The following CHD2 variants were observed in gnomAD, a reference collection of about 807,000 sequenced individuals.
CHD2 encodes ATP-dependent chromatin remodeler CHD2.
CHD2 carries 28 observed loss-of-function variants against 243.9 expected under a neutral mutation model. That is an observed-to-expected ratio of 0.11 (90% CI 0.09 to 0.16). CHD2 has a LOEUF of 0.16. Ranked by LOEUF, CHD2 falls within the 10% of genes least tolerant of loss-of-function variation. The pLI is 1.00. For synonymous variants in CHD2, 775 were observed against 779.0 expected, an observed-to-expected ratio of 0.99 and a Z score of 0.09; for missense variants, 1,386 against 2,209.8, an observed-to-expected ratio of 0.63 and a Z score of 7.47.
At chr15:93,019,934 C>CAAAA (rs57995034) in intron 37 of CHD2, 78 bp from the exon 38 acceptor site, 1,013 of 1,405,154 alleles carry the variant, frequency 7.2e-4, no homozygotes, top group Non-Finnish European at 8.8e-4. Context: ...ACTCCATCTC[C>CAAAA]AAAAAAAAAA....
rs1187767626 is a variant in CHD2, at chr15:92,998,425, T to A, written c.3886-74T>A. ...GGGAAAGGACTGTGCTCAGTTTTTG[T>A]TGTCTCTGTTTATCCTGATCCACTA... On this transcript the variant is annotated intron_variant, in intron 30 of 38. Transcript: ENST00000394196. The surrounding 1 kb of genome is among the most constrained non-coding windows in gnomAD (Gnocchi z 5.1). 1.3e-6 allele frequency: 2 copies of A among 1,581,372 alleles called. No homozygotes were observed. The highest frequency in any genetic ancestry group is 1.7e-6 in the Non-Finnish European group (2 of 1,158,890).
chr15:92,973,217 A>G (rs1273140360), intron 19 of CHD2, among the ~76,000 whole-genome samples: 1 of 152,034 alleles, frequency 6.6e-6, no homozygotes, highest in Non-Finnish European at 1.5e-5. Flanking sequence ...GGCTTCCCCT[A>G]TTTTCTGTGG....
chr15:92,956,368 A>G, intron 15 of CHD2, 91 bp from the exon 16 acceptor site: 2 of 886,084 alleles, frequency 2.3e-6, no homozygotes, highest in Non-Finnish European at 3.6e-6. Context: ...ATACCTTTGT[A>G]ATGGTATTTA....
At chr15:92,975,751 A>G (rs2053898868) in intron 20 of CHD2, among the ~76,000 whole-genome samples, 1 of 152,100 alleles carries the variant, frequency 6.6e-6, no homozygotes, top group African/African-American at 2.4e-5. Flanking sequence ...GTTACTACAG[A>G]ATGCTCTGCT....
chr15:92,982,097 A>G (rs1292955027), intron 24 of CHD2, among the ~76,000 whole-genome samples: 2 of 152,194 alleles, frequency 1.3e-5, no homozygotes, highest in African/African-American at 4.8e-5. Context: ...AGTTTGAGGA[A>G]AGAACTTGAG....
At chr15:93,020,324 GA>G in intron 38 of CHD2, 66 bp downstream of exon 38, 1 of 1,585,672 alleles carries the variant, frequency 6.3e-7, no homozygotes, top group Non-Finnish European at 8.7e-7. Flanking sequence ...GGGAGAAAGT[GA>G]CGTATACATG....
chr15:92,984,298 G>A (rs781296982), intron 24 of CHD2, 32 bp from the exon 25 acceptor site: 26 of 1,478,736 alleles, frequency 1.8e-5, no homozygotes, highest in Non-Finnish European at 2.3e-5. Context: ...TAGAAATAGG[G>A]AAATGTCAGA....
At position 93,024,792 on chromosome 15, in the gene CHD2, G is replaced by C; in HGVS notation, c.*87G>C. 8.6e-7 allele frequency: 1 copy of C among 1,160,752 alleles called. No individual in the cohort carries two copies. Among genetic ancestry groups the C allele is most frequent in the Middle Eastern group, 2.6e-4 (1 of 3,804 alleles). The allele number at this position is 1,160,752 out of a possible 1,614,324, so 71.9% of individuals were successfully genotyped here. A position where few individuals can be genotyped will look rare whatever the true frequency, so the allele number is the denominator to read the frequency against. On this transcript the variant is annotated 3_prime_UTR_variant, in exon 39 of 39. Transcript: ENST00000394196. ...CTACAGTAGCCGGTTATCTAGACCA[G>C]TAAGTGGAGTTTTGGACATGCTGCT...
intron 25 of CHD2, 110 bp downstream of exon 25, chr15:92,984,610 T>C (rs925875745): frequency 3.7e-6 from 4 of 1,073,688 alleles, no homozygotes; most frequent in Non-Finnish European, 5.1e-6. Flanking sequence ...CACAGAGGCT[T>C]CAGGAGCAGA....
chr15:93,024,747 T>C lies in CHD2; in HGVS notation c.*42T>C. On this transcript the variant is annotated 3_prime_UTR_variant, in exon 39 of 39. Transcript: ENST00000394196. ...GAGAGAGTAAGAGTCACCAAACACGTGGATATTTTTGGTCTGATCCTACAG... is the reference window on the plus strand; with the variant it reads ...GAGAGAGTAAGAGTCACCAAACACGCGGATATTTTTGGTCTGATCCTACAG... The C allele has an allele frequency of 6.5e-7, 1 of 1,527,728 alleles. No homozygotes were observed. Among genetic ancestry groups the C allele is most frequent in the Non-Finnish European group, 8.9e-7 (1 of 1,128,320 alleles). The allele number at this position is 1,527,728 out of a possible 1,614,324, so 94.6% of individuals were successfully genotyped here. A position where few individuals can be genotyped will look rare whatever the true frequency, so the allele number is the denominator to read the frequency against.
chr15:92,946,427 T>C (rs1002972233), intron 12 of CHD2: 2 of 391,182 alleles, frequency 5.1e-6, no homozygotes, highest in Non-Finnish European at 4.6e-6. Context: ...ATTTACATAA[T>C]TAGAAATAGA....
At chr15:93,015,538 A>T (rs1596458693) in intron 37 of CHD2, among the ~76,000 whole-genome samples, 1 of 152,326 alleles carries the variant, frequency 6.6e-6, no homozygotes, top group African/African-American at 2.4e-5. Context: ...CAATAACTGA[A>T]TAGAAAAATG....
chr15:92,901,574 G>GT (rs1486426139), intron 2 of CHD2: 15 of 440,840 alleles, frequency 3.4e-5, no homozygotes, highest in Admixed American at 1.3e-4. Context: ...GTAATGTACA[G>GT]TTTTTCTGTC....
At chr15:92,910,269 T>C (rs1474068780) in intron 2 of CHD2, among the ~76,000 whole-genome samples, 1 of 152,188 alleles carries the variant, frequency 6.6e-6, no homozygotes, top group East Asian at 1.9e-4. Flanking sequence ...ATGTATATTT[T>C]ATTTAATATG....
At chr15:92,901,735 C>T in intron 2 of CHD2, 1 of 296,430 alleles carries the variant, frequency 3.4e-6, no homozygotes, top group Non-Finnish European at 6.1e-6. Flanking sequence ...ATAGAGAAGC[C>T]TTGTAGTAGT....
chr15:92,980,037 T>TTTTGTTTG (rs55822413), intron 22 of CHD2, among the ~76,000 whole-genome samples: 108,787 of 150,032 alleles, frequency 0.73, 40,779 homozygotes, highest in East Asian at 0.99. Flanking sequence ...CAGCTATGTT[T>TTTTGTTTG]TTTGTTTGTT....
intron 18 of CHD2, 102 bp downstream of exon 18, chr15:92,972,029 TC>T: frequency 1.6e-6 from 2 of 1,277,674 alleles, no homozygotes; most frequent in South Asian, 3.1e-5. Context: ...CTATCAAGGA[TC>T]ATCAAAGGAA....
chr15:92,900,952 C>T, intron 1 of CHD2, 128 bp downstream of exon 1: 1 of 458,476 alleles, frequency 2.2e-6, no homozygotes, highest in East Asian at 3.5e-5. Flanking sequence ...ATCTAGTGTG[C>T]TACTTTGAGA....
In CHD2 at chr15:92,991,487, C is replaced by A; in HGVS notation, c.3425C>A (p.Ala1142Asp). ...TDAEIRRFIK[A>D]YKKFGLPLER... ...GATCCTATTCTTAGGTTCATCAAGG[C>A]TTATAAGAAGTTTGGTCTCCCTCTT... The change falls in exon 27 of 39, where the codon GCT (alanine) becomes GAT (aspartate). Residue 1142 changes from alanine (A) to aspartate (D), a missense_variant. By Grantham distance (126) the Ala-to-Asp change is moderately radical (BLOSUM62 -2). Transcript: ENST00000394196. The A allele has an allele frequency of 6.2e-7, 1 of 1,606,732 alleles. No homozygotes were observed. Among genetic ancestry groups the A allele is most frequent in the Non-Finnish European group, 8.5e-7 (1 of 1,175,322 alleles).
Sources: gnomAD v4.1 joint callset for allele counts (sites outside exome capture counted in the v4.1 genomes callset) on GRCh38, gnomAD v4.1.1 for gene constraint, Gnocchi (gnomAD v3.1) non-coding constraint, MANE v1.5 for transcripts, NCBI Gene and HGNC (gene_info 2026-07-23, HGNC 2026-07-21) for gene names.